CACNG4: variants seen among roughly 807,000 people sequenced by gnomAD.
CACNG4 encodes the protein voltage-dependent calcium channel gamma-4 subunit.
CACNG4 carries 8 observed loss-of-function variants against 22.9 expected under a neutral mutation model. The observed-to-expected ratio is 0.35, with a 90% CI of 0.21 to 0.63. CACNG4 has a LOEUF of 0.63. Ranked by LOEUF, CACNG4 falls within the 30% of genes least tolerant of loss-of-function variation. CACNG4 has a pLI of 0.72. For missense variants in CACNG4, 357 were observed against 455.4 expected (o/e 0.78, Z 1.97); for synonymous variants, 188 against 191.9 (o/e 0.98, Z 0.17).
At chr17:66,980,620 CT>C (rs67051865) in intron 1 of CACNG4, among the ~76,000 whole-genome samples, 31,636 of 106,614 alleles carry the variant, frequency 0.3, 2,436 homozygotes, top group Non-Finnish European at 0.35. Flanking sequence ...TGTGTAAATT[CT>C]TTTTTTTTTT....
intron 1 of CACNG4, among the ~76,000 whole-genome samples, chr17:66,972,984 G>A (rs950140335): frequency 5.3e-5 from 8 of 151,268 alleles, no homozygotes; most frequent in African/African-American, 1.7e-4. Flanking sequence ...AGTGGCTCGC[G>A]CCTATAATCT....
At chr17:66,969,798 C>T (rs2035192906) in intron 1 of CACNG4, among the ~76,000 whole-genome samples, 1 of 152,330 alleles carries the variant, frequency 6.6e-6, no homozygotes, top group East Asian at 1.9e-4. Flanking sequence ...ACACTCCCTA[C>T]ATAGGACCAT....
chr17:67,003,773 A>G (rs1040783572), intron 1 of CACNG4, among the ~76,000 whole-genome samples: 2 of 152,198 alleles, frequency 1.3e-5, no homozygotes, highest in East Asian at 3.9e-4. Flanking sequence ...AGAGCAGGCA[A>G]TGGACAGGGG....
chr17:66,995,173 C>T (rs1440209213), intron 1 of CACNG4, among the ~76,000 whole-genome samples: 3 of 152,108 alleles, frequency 2.0e-5, no homozygotes, highest in Non-Finnish European at 4.4e-5. Flanking sequence ...GGTCGTGGCA[C>T]CGTGATAAAC....
rs572399249 is a variant in CACNG4 at position 67,031,866 on chromosome 17, C to T, written c.*862C>T. On this transcript the variant is annotated 3_prime_UTR_variant, in exon 4 of 4. Coordinates refer to ENST00000262138, the MANE Select transcript of CACNG4 (RefSeq NM_014405.4). This position sits in a 1 kb window ranked among gnomAD's most constrained non-coding sequence, Gnocchi z 4.0. ...CCAAGGAGCAACTCTGTCCCCTGAGCGTTGGGGGTCCCGGGGGAGAGGTGG... is the reference window on the plus strand; with the variant it reads ...CCAAGGAGCAACTCTGTCCCCTGAGTGTTGGGGGTCCCGGGGGAGAGGTGG... 9 of 456,620 alleles carry T rather than the reference C, an allele frequency of 2.0e-5. No homozygotes were observed. Among genetic ancestry groups the T allele is most frequent in the Admixed American group, 7.0e-5 (3 of 42,582 alleles). 28.3% of individuals were successfully genotyped at this position (456,620 alleles called of 1,614,324 possible). A position where few individuals can be genotyped will look rare whatever the true frequency, so the allele number is the denominator to read the frequency against.
chr17:67,025,811 C>G (rs758578441), intron 3 of CACNG4, among the ~76,000 whole-genome samples: 1 of 152,248 alleles, frequency 6.6e-6, no homozygotes, highest in Non-Finnish European at 1.5e-5. Context: ...GGGTAGATGA[C>G]TTCCGTTCAC....
intron 1 of CACNG4, among the ~76,000 whole-genome samples, chr17:67,014,638 G>A (rs188877718): frequency 2.5e-4 from 37 of 150,244 alleles, no homozygotes; most frequent in African/African-American, 8.1e-4. Flanking sequence ...ACTTGAAACC[G>A]CCAGTAAAAA....
At chr17:66,985,798 C>T (rs1391730907) in intron 1 of CACNG4, among the ~76,000 whole-genome samples, 2 of 152,104 alleles carry the variant, frequency 1.3e-5, no homozygotes, top group Admixed American at 1.3e-4. Context: ...TGTGGAAATG[C>T]GTTAAGTGCA....
At chr17:66,980,477 T>C (rs1186090342) in intron 1 of CACNG4, among the ~76,000 whole-genome samples, 2 of 152,170 alleles carry the variant, frequency 1.3e-5, no homozygotes. Flanking sequence ...AGAAGACGCT[T>C]GCTTTTTTAA....
intron 1 of CACNG4, among the ~76,000 whole-genome samples, chr17:67,004,492 TACA>T (rs909067397): frequency 6.6e-6 from 1 of 152,146 alleles, no homozygotes; most frequent in African/African-American, 2.4e-5. Context: ...TCATCCCCGA[TACA>T]ACATCCTTCC....
At chr17:67,024,393 G>A (rs1350369209) in intron 2 of CACNG4, among the ~76,000 whole-genome samples, 1 of 152,206 alleles carries the variant, frequency 6.6e-6, no homozygotes, top group African/African-American at 2.4e-5. Flanking sequence ...GCCACAGCAG[G>A]GCCCACGCCC....
intron 1 of CACNG4, among the ~76,000 whole-genome samples, chr17:66,999,735 A>G (rs1371009025): frequency 1.3e-5 from 2 of 152,086 alleles, no homozygotes; most frequent in Non-Finnish European, 2.9e-5. Context: ...CCTGGGGATT[A>G]CAGCTCCCTC....
intron 1 of CACNG4, among the ~76,000 whole-genome samples, chr17:66,976,875 C>T (rs969256761): frequency 6.6e-6 from 1 of 152,154 alleles, no homozygotes; most frequent in Non-Finnish European, 1.5e-5. Flanking sequence ...CTGTGCTTCC[C>T]GCCAGTGTGG....
intron 1 of CACNG4, among the ~76,000 whole-genome samples, chr17:66,979,929 T>C (rs1333809300): frequency 6.6e-6 from 1 of 152,104 alleles, no homozygotes; most frequent in Non-Finnish European, 1.5e-5. Context: ...CTAATTTTTG[T>C]ATTTTTAGTA....
chr17:67,028,421 C>T (rs1018922482), intron 3 of CACNG4, among the ~76,000 whole-genome samples: 4 of 152,082 alleles, frequency 2.6e-5, no homozygotes, highest in South Asian at 2.1e-4. Context: ...GGCATGGTGG[C>T]GGGTGCCTGT....
intron 1 of CACNG4, among the ~76,000 whole-genome samples, chr17:66,965,891 G>T (rs1438895082): frequency 3.9e-5 from 6 of 152,168 alleles, no homozygotes; most frequent in African/African-American, 1.4e-4. Context: ...CCCCAACGGA[G>T]ACAGCGACCT....
At chr17:66,994,805 T>C (rs2143314370) in intron 1 of CACNG4, among the ~76,000 whole-genome samples, 1 of 152,204 alleles carries the variant, frequency 6.6e-6, no homozygotes, top group Admixed American at 6.5e-5. Context: ...GCCTCCTCCA[T>C]ACGTTCTCAG....
At chr17:67,018,875 G>A (rs557950438) in intron 2 of CACNG4, among the ~76,000 whole-genome samples, 1 of 152,086 alleles carries the variant, frequency 6.6e-6, no homozygotes, top group African/African-American at 2.4e-5. Context: ...ACCTGCTCCT[G>A]GGTCCAGTGA....
chr17:66,996,708 C>T (rs899755132), intron 1 of CACNG4, among the ~76,000 whole-genome samples: 16 of 152,078 alleles, frequency 1.1e-4, no homozygotes, highest in African/African-American at 2.7e-4. Context: ...CAACATGAAT[C>T]GAGCAGAGAC....
Sources: gnomAD v4.1 joint callset for allele counts (sites outside exome capture counted in the v4.1 genomes callset) on GRCh38, gnomAD v4.1.1 for gene constraint, Gnocchi (gnomAD v3.1) non-coding constraint, MANE v1.5 for transcripts, NCBI Gene and HGNC (gene_info 2026-07-23, HGNC 2026-07-21) for gene names.